The following PCDH15 variants were observed in gnomAD, a reference collection of about 807,000 sequenced individuals.
The protein encoded by PCDH15 is protocadherin related 15, also known as protocadherin-15.
Under a neutral mutation model 178.5 loss-of-function variants are expected in PCDH15, and 129 were observed. The ratio of observed to expected loss-of-function variants is 0.72; its 90% confidence interval spans 0.63 to 0.84. The LOEUF (loss-of-function observed/expected upper bound fraction) is 0.84, where lower values mean the gene tolerates loss of function less well. Ranked by LOEUF, PCDH15 falls within the 40% of genes least tolerant of loss-of-function variation. The pLI is 0.00. For missense variants in PCDH15, 2,230 were observed against 2,099.9 expected (o/e 1.06, Z -1.21); for synonymous variants, 800 against 732.0 (o/e 1.09, Z -1.50).
intron 3 of PCDH15, among the ~76,000 whole-genome samples, chr10:54,487,588 A>T (rs1222050091): frequency 1.3e-5 from 2 of 152,070 alleles, no homozygotes; most frequent in Non-Finnish European, 2.9e-5. Context: ...CAGTCAAAAT[A>T]ACTACAAAGG....
At chr10:53,827,021 T>C (rs776136305) in intron 32 of PCDH15, among the ~76,000 whole-genome samples, 9 of 151,828 alleles carry the variant, frequency 5.9e-5, no homozygotes, top group Non-Finnish European at 8.8e-5. Flanking sequence ...TCGTCTCCTA[T>C]GCAAAAATAT....
chr10:55,085,047 C>A (rs931931632), intron 2 of PCDH15, among the ~76,000 whole-genome samples: 4 of 151,854 alleles, frequency 2.6e-5, no homozygotes. Context: ...AATAGATTTA[C>A]CCTATGATCC....
At chr10:54,110,552 A>T (rs1030119754) in intron 15 of PCDH15, among the ~76,000 whole-genome samples, 1 of 152,184 alleles carries the variant, frequency 6.6e-6, no homozygotes, top group African/African-American at 2.4e-5. Context: ...CTGTAGCAGC[A>T]ATCAAGTTTT....
chr10:54,191,858 T>G (rs2049026254), intron 11 of PCDH15, among the ~76,000 whole-genome samples: 1 of 148,028 alleles, frequency 6.8e-6, no homozygotes, highest in Non-Finnish European at 1.5e-5. Flanking sequence ...GAGGCAGAGG[T>G]TGCAGTGAGC....
intron 2 of PCDH15, among the ~76,000 whole-genome samples, chr10:54,561,904 G>A (rs546958588): frequency 1.3e-5 from 2 of 148,906 alleles, no homozygotes; most frequent in African/African-American, 2.5e-5. Flanking sequence ...GGATGGTTTC[G>A]ATCTCCTGAC....
chr10:54,442,402 AG>A (rs2075849340), intron 3 of PCDH15, among the ~76,000 whole-genome samples: 2 of 87,214 alleles, frequency 2.3e-5, no homozygotes, highest in African/African-American at 4.7e-5. Context: ...AAAAAAAAAA[AG>A]GCCTTAAAGG....
intron 13 of PCDH15, among the ~76,000 whole-genome samples, chr10:54,174,802 C>G (rs2047285269): frequency 7.1e-6 from 1 of 141,608 alleles, no homozygotes; most frequent in African/African-American, 2.6e-5. Context: ...AAGAGATTCT[C>G]CCGCTTCAGC....
chr10:54,962,795 G>A (rs769390544), intron 2 of PCDH15, among the ~76,000 whole-genome samples: 12 of 152,128 alleles, frequency 7.9e-5, no homozygotes, highest in African/African-American at 1.4e-4. Context: ...CATGGGATCC[G>A]GGATGGTACT....
At chr10:54,180,286 A>G (rs969619616) in intron 13 of PCDH15, among the ~76,000 whole-genome samples, 1 of 152,168 alleles carries the variant, frequency 6.6e-6, no homozygotes, top group Non-Finnish European at 1.5e-5. Context: ...TATAACTGAG[A>G]ACTTATAACA....
At position 55,048,271 on chromosome 10, in the gene PCDH15, T is replaced by C. The variant is rs909642844; in HGVS notation, c.-80+118305A>G. ...TAATTATATAAGTCCAGTAAATACT[T>C]TAAGAAAAAACAACATTTTCTAAAG... is the stretch of plus-strand genomic sequence containing the variant. On this transcript the variant is annotated intron_variant, in intron 2 of 5. Coordinates refer to the PCDH15 transcript ENST00000458638. 2.7e-5 allele frequency among the ~76,000 whole-genome samples: 4 copies of C among 147,296 alleles called. No individual in the cohort carries two copies. The South Asian group carries it at 8.3e-4, about 30-fold the overall frequency.
chr10:54,120,218 A>G (rs2095191638), intron 15 of PCDH15, among the ~76,000 whole-genome samples: 1 of 152,206 alleles, frequency 6.6e-6, no homozygotes, highest in African/African-American at 2.4e-5. Flanking sequence ...AGCACGTACT[A>G]AGAATATTTG....
intron 8 of PCDH15, among the ~76,000 whole-genome samples, chr10:54,309,521 C>T (rs553418468): frequency 8.6e-5 from 13 of 151,922 alleles, no homozygotes; most frequent in Non-Finnish European, 1.3e-4. Context: ...AGGCTGGGCA[C>T]GGTGGCTCAT....
At chr10:54,844,199 A>G (rs1408135908) in intron 3 of PCDH15, among the ~76,000 whole-genome samples, 8 of 152,156 alleles carry the variant, frequency 5.3e-5, no homozygotes, top group Admixed American at 3.9e-4. Flanking sequence ...GATGCCTTGG[A>G]AAGCTACAGT....
chr10:54,564,923 T>C (rs1472443777), intron 2 of PCDH15, among the ~76,000 whole-genome samples: 1 of 152,158 alleles, frequency 6.6e-6, no homozygotes, highest in Non-Finnish European at 1.5e-5. Flanking sequence ...AAATACCTCA[T>C]TCTTGGAAAA....
rs369096183 is a variant in PCDH15, at chr10:53,959,715, C to T, written c.3122+17G>A. The T allele has an allele frequency of 2.0e-4, 313 of 1,576,558 alleles. No individual in the cohort carries two copies. Among genetic ancestry groups the T allele is most frequent in the Non-Finnish European group, 2.4e-4 (277 of 1,146,382 alleles). Reference sequence around the variant, plus strand: ...CTAAACATTTCGTGTATTTCAAAATCGGACAGAAATCAATACCTATATTCC... The same window carrying T: ...CTAAACATTTCGTGTATTTCAAAATTGGACAGAAATCAATACCTATATTCC... On this transcript the variant is annotated intron_variant, in intron 23 of 37. Transcript: ENST00000644397.
Position 54,801,209 on chromosome 10 carries a change from C to G in PCDH15, c.-313G>C, listed in dbSNP as rs1347906781. On this transcript the variant is annotated 5_prime_UTR_variant, in exon 1 of 38. Transcript: ENST00000644397. ...ACGTTCTGAGATGTATGCCACCTGCCTTAGTTACCACAAGCAACTAACACT... is the reference window on the plus strand; with the variant it reads ...ACGTTCTGAGATGTATGCCACCTGCGTTAGTTACCACAAGCAACTAACACT... 1 of 152,170 alleles carries G rather than the reference C, an allele frequency of 6.6e-6. No homozygotes were observed. Among genetic ancestry groups the G allele is most frequent in the African/African-American group, 2.4e-5 (1 of 41,450 alleles). The allele number at this position is 152,170 out of a possible 1,614,324, so 9.4% of individuals were successfully genotyped here.
At chr10:54,269,309 T>C (rs1405520221) in intron 8 of PCDH15, among the ~76,000 whole-genome samples, 6 of 151,954 alleles carry the variant, frequency 3.9e-5, no homozygotes, top group African/African-American at 1.4e-4. Context: ...TTTCCTCGCA[T>C]TGGTAGTTAG....
intron 2 of PCDH15, among the ~76,000 whole-genome samples, chr10:54,989,702 T>A (rs1384793058): frequency 6.6e-6 from 1 of 152,192 alleles, no homozygotes; most frequent in Admixed American, 6.5e-5. Flanking sequence ...GACTATGGAC[T>A]TTTGAGCTAA....
intron 23 of PCDH15, among the ~76,000 whole-genome samples, chr10:53,945,072 T>C (rs1360279919): frequency 6.6e-6 from 1 of 152,342 alleles, no homozygotes; most frequent in South Asian, 2.1e-4. Flanking sequence ...TTTATAAATA[T>C]ATTTCCTCAT....
Sources: gnomAD v4.1 joint callset for allele counts (sites outside exome capture counted in the v4.1 genomes callset) on GRCh38, gnomAD v4.1.1 for gene constraint, MANE v1.5 for transcripts, NCBI Gene and HGNC (gene_info 2026-07-23, HGNC 2026-07-21) for gene names.